KCNMA1: variants seen among roughly 807,000 people sequenced by gnomAD.
KCNMA1 encodes Calcium-activated potassium channel subunit alpha-1.
In KCNMA1, 29 loss-of-function variants were observed where a neutral mutation model predicts 140.0. The observed-to-expected ratio is 0.21, with a 90% CI of 0.15 to 0.28. KCNMA1 has a LOEUF of 0.28. Ranked by LOEUF, KCNMA1 falls within the 10% of genes least tolerant of loss-of-function variation. The pLI is 1.00. For synonymous variants in KCNMA1, 612 were observed against 611.9 expected (o/e 1.00, Z 0.00); for missense variants, 880 against 1,602.2 (o/e 0.55, Z 7.70).
chr10:77,211,789 A>C (rs934491653), intron 3 of KCNMA1, among the ~76,000 whole-genome samples: 2 of 152,188 alleles, frequency 1.3e-5, no homozygotes, highest in Non-Finnish European at 2.9e-5. Context: ...TGGACAAAAG[A>C]CATGAAATGA....
intron 2 of KCNMA1, among the ~76,000 whole-genome samples, chr10:77,398,060 A>ATGTGTGTGTGTG (rs71028275): frequency 6.7e-6 from 1 of 148,456 alleles, no homozygotes; most frequent in African/African-American, 2.5e-5. Flanking sequence ...ATATGTGTGT[A>ATGTGTGTGTGTG]TGTGTGTGTG....
At chr10:77,260,246 A>T (rs571558090) in intron 2 of KCNMA1, among the ~76,000 whole-genome samples, 1 of 152,270 alleles carries the variant, frequency 6.6e-6, no homozygotes, top group African/African-American at 2.4e-5. Context: ...TTGAGAATAG[A>T]AGAGGACAGG....
chr10:77,554,932 G>A (rs956513090), intron 1 of KCNMA1, among the ~76,000 whole-genome samples: 1 of 152,150 alleles, frequency 6.6e-6, no homozygotes, highest in South Asian at 2.1e-4. Flanking sequence ...AGGGGTGCAG[G>A]TTGGCATTGA....
intron 1 of KCNMA1, among the ~76,000 whole-genome samples, chr10:77,504,992 G>C (rs2045309353): frequency 6.6e-6 from 1 of 152,024 alleles, no homozygotes; most frequent in Non-Finnish European, 1.5e-5. Context: ...AGGAGACTCG[G>C]GTCTCCTGAG....
At chr10:77,032,758 C>A (rs1157655849) in intron 15 of KCNMA1, among the ~76,000 whole-genome samples, 1 of 151,124 alleles carries the variant, frequency 6.6e-6, no homozygotes, top group Non-Finnish European at 1.5e-5. Context: ...CTGCCAACAT[C>A]ATCTGTTAAC....
chr10:77,540,758 C>T (rs907975299), intron 1 of KCNMA1, among the ~76,000 whole-genome samples: 6 of 152,136 alleles, frequency 3.9e-5, no homozygotes, highest in Middle Eastern at 3.4e-3. Context: ...CCCAGCACTT[C>T]GGGAGGCCGA....
At chr10:77,550,714 G>C (rs1327096132) in intron 1 of KCNMA1, among the ~76,000 whole-genome samples, 1 of 152,342 alleles carries the variant, frequency 6.6e-6, no homozygotes, top group South Asian at 2.1e-4. Flanking sequence ...CACATCTTCA[G>C]AAGTGGAGCA....
chr10:77,464,912 G>T (rs896605035), intron 1 of KCNMA1, among the ~76,000 whole-genome samples: 1 of 152,188 alleles, frequency 6.6e-6, no homozygotes, highest in Admixed American at 6.5e-5. Flanking sequence ...CAAATGAATT[G>T]CTTCCCTCCA....
intron 2 of KCNMA1, among the ~76,000 whole-genome samples, chr10:77,369,606 T>C (rs1309950603): frequency 6.6e-6 from 1 of 152,208 alleles, no homozygotes; most frequent in Non-Finnish European, 1.5e-5. Context: ...GTTGACAGAT[T>C]CACCAAACTT....
intron 3 of KCNMA1, among the ~76,000 whole-genome samples, chr10:77,221,887 C>T (rs893647130): frequency 6.6e-6 from 1 of 152,150 alleles, no homozygotes; most frequent in African/African-American, 2.4e-5. Context: ...GTGAGACAGC[C>T]CAGGCTTAGG....
At chr10:77,382,986 G>GTA (rs1304018219) in intron 2 of KCNMA1, among the ~76,000 whole-genome samples, 2 of 58,184 alleles carry the variant, frequency 3.4e-5, no homozygotes, top group African/African-American at 1.6e-4. Flanking sequence ...GTGTGTGTGT[G>GTA]TGTGTGTGTA....
At chr10:77,542,376 C>G (rs1603634559) in intron 1 of KCNMA1, among the ~76,000 whole-genome samples, 1 of 152,310 alleles carries the variant, frequency 6.6e-6, no homozygotes, top group East Asian at 1.9e-4. Context: ...AATCCCTGTG[C>G]TAACACCCCC....
chr10:77,439,620 A>G (rs3910605), intron 1 of KCNMA1, among the ~76,000 whole-genome samples: 19,311 of 152,104 alleles, frequency 0.13, 1,284 homozygotes, highest in Middle Eastern at 0.19. Flanking sequence ...GGCTAAGTCA[A>G]CCCATGGGCT....
intron 2 of KCNMA1, among the ~76,000 whole-genome samples, chr10:77,342,130 T>G (rs969199828): frequency 6.6e-6 from 1 of 152,154 alleles, no homozygotes; most frequent in Non-Finnish European, 1.5e-5. Context: ...ATTTTACAAA[T>G]GTCATGGCAC....
chr10:77,480,432 G>A lies in KCNMA1; in HGVS notation c.379-76409C>T, dbSNP rs182411172. Among the ~76,000 whole-genome samples, 3 of 152,328 alleles carry A rather than the reference G, an allele frequency of 2.0e-5. No individual in the cohort carries two copies. In the East Asian group the frequency reaches 5.8e-4, roughly 29 times the overall value. Reference sequence around the variant, plus strand: ...GACCCCAGTTATCTCTTCCTAAATTGCAGCAGAGCTGATCTTCTTCCAGCT... The same window carrying A: ...GACCCCAGTTATCTCTTCCTAAATTACAGCAGAGCTGATCTTCTTCCAGCT... On this transcript the variant is annotated intron_variant, in intron 1 of 27. Coordinates refer to ENST00000286628, the MANE Select transcript of KCNMA1 (RefSeq NM_001161352.2).
intron 1 of KCNMA1, among the ~76,000 whole-genome samples, chr10:77,408,588 T>C (rs562450613): frequency 8.5e-5 from 13 of 152,280 alleles, no homozygotes; most frequent in African/African-American, 2.6e-4. Flanking sequence ...GAAACCCCAC[T>C]GGCTGCAGCC....
At chr10:76,938,724 C>T (rs2061205317) in intron 23 of KCNMA1, among the ~76,000 whole-genome samples, 1 of 152,222 alleles carries the variant, frequency 6.6e-6, no homozygotes, top group Non-Finnish European at 1.5e-5. Flanking sequence ...ATTTCAACTT[C>T]ATCTCTCCCT....
chr10:77,022,145 A>G (rs2092933131), intron 16 of KCNMA1, among the ~76,000 whole-genome samples: 1 of 152,184 alleles, frequency 6.6e-6, no homozygotes, highest in Admixed American at 6.5e-5. Flanking sequence ...TGATCTCTTT[A>G]GGAGAGTATC....
At chr10:77,623,461 C>G (rs573662960) in intron 1 of KCNMA1, among the ~76,000 whole-genome samples, 1 of 151,492 alleles carries the variant, frequency 6.6e-6, no homozygotes, top group Non-Finnish European at 1.5e-5. Flanking sequence ...TCTGGGAGGC[C>G]GAGGCAGGTG....
Sources: allele counts gnomAD v4.1 joint callset (sites outside exome capture counted in the v4.1 genomes callset), GRCh38; gene constraint gnomAD v4.1.1; transcripts MANE v1.5; gene names NCBI Gene and HGNC (gene_info 2026-07-23, HGNC 2026-07-21).